The following DNAH2 variants were observed in gnomAD, a reference collection of about 807,000 sequenced individuals.
The protein encoded by DNAH2 is axonemal beta dynein heavy chain 2.
In DNAH2, 323 loss-of-function variants were observed where a neutral mutation model predicts 523.5. That is an observed-to-expected ratio of 0.62 (90% CI 0.56 to 0.68). The LOEUF (loss-of-function observed/expected upper bound fraction) is 0.68, where lower values mean the gene tolerates loss of function less well. DNAH2 is among the 30% of genes least tolerant of loss of function. The pLI is 0.00. For synonymous variants in DNAH2, 2,093 were observed against 2,177.4 expected (o/e 0.96, Z 1.08); for missense variants, 4,907 against 5,701.5 (o/e 0.86, Z 4.49).
At chr17:7,822,291 G>A (rs1012396654) in intron 73 of DNAH2, among the ~76,000 whole-genome samples, 3 of 152,096 alleles carry the variant, frequency 2.0e-5, no homozygotes, top group African/African-American at 7.2e-5. Flanking sequence ...TTTTAAAGTG[G>A]ATGCCATTGT....
intron 58 of DNAH2, among the ~76,000 whole-genome samples, chr17:7,803,879 G>GA (rs1453987321): frequency 3.0e-4 from 45 of 152,110 alleles, no homozygotes; most frequent in African/African-American, 9.6e-4. Context: ...TTCCCATAGG[G>GA]AAAAAAAACC....
chr17:7,819,450 T>C (rs1370684823), intron 72 of DNAH2, 42 bp downstream of exon 72: 2 of 1,609,760 alleles, frequency 1.2e-6, no homozygotes, highest in Non-Finnish European at 1.7e-6. Context: ...GGAGGCCGAG[T>C]GGCTGTGGTT....
At chr17:7,781,191 C>T (rs2076596952) in intron 39 of DNAH2, 24 bp downstream of exon 39, 2 of 1,613,736 alleles carry the variant, frequency 1.2e-6, no homozygotes, top group Non-Finnish European at 1.7e-6. Context: ...AATACTCTCC[C>T]TGACCGGGTG....
In DNAH2 at chr17:7,797,821, T is replaced by C. The variant is rs750315063; in HGVS notation, c.8222T>C (p.Ile2741Thr). 113 of 1,611,406 alleles carry C rather than the reference T, an allele frequency of 7.0e-5. No homozygotes were observed. Among genetic ancestry groups the C allele is most frequent in the Non-Finnish European group, 9.1e-5 (107 of 1,178,582 alleles). Reference protein sequence around the residue: ...PMQLVLFREAIEHITRIVRVI... With the variant: ...PMQLVLFREATEHITRIVRVI... ...CAGCTAGTGCTCTTCCGAGAGGCTA[T>C]TGAACACAGTGAGCACCTGCCACGC... Residue 2741 changes from isoleucine to threonine, a missense_variant, in exon 53 of 86, where the codon ATT becomes ACT. Coordinates refer to ENST00000572933, the MANE Select transcript of DNAH2 (RefSeq NM_020877.5).
In DNAH2 at chr17:7,792,965, G is replaced by A. The variant is rs201599541; in HGVS notation, c.7345-16G>A. The A allele has an allele frequency of 3.1e-6, 5 of 1,602,758 alleles. No individual in the cohort carries two copies. The highest frequency in any genetic ancestry group is 2.2e-5 in the East Asian group (1 of 44,578). ...TCTCAGGGGACCCACACATTCATTC[G>A]GTACCTTTTCACCAGACCACATCCA... On this transcript the variant is annotated splice_polypyrimidine_tract_variant and intron_variant, in intron 47 of 85. Coordinates refer to ENST00000572933, the MANE Select transcript of DNAH2 (RefSeq NM_020877.5).
intron 5 of DNAH2, 67 bp from the exon 6 acceptor site, chr17:7,734,116 G>A (rs537930566): frequency 7.1e-6 from 10 of 1,405,284 alleles, no homozygotes; most frequent in African/African-American, 4.3e-5. Flanking sequence ...ATCATCAACC[G>A]TGATTCCTAC....
intron 11 of DNAH2, among the ~76,000 whole-genome samples, chr17:7,741,313 C>A (rs1405215288): frequency 1.5e-5 from 1 of 65,844 alleles, no homozygotes. Flanking sequence ...TTCCCTCCCT[C>A]CCTCCCTCCC....
intron 3 of DNAH2, among the ~76,000 whole-genome samples, chr17:7,726,208 G>A (rs2074804246): frequency 6.6e-6 from 1 of 151,896 alleles, no homozygotes; most frequent in Non-Finnish European, 1.5e-5. Context: ...GTTTCACCAT[G>A]TTGGCCAGGC....
Position 7,833,512 on chromosome 17 carries a change from A to T in DNAH2, c.13263A>T (p.Leu4421=). The T allele has an allele frequency of 6.2e-7, 1 of 1,613,920 alleles. No individual in the cohort carries two copies. The highest frequency in any genetic ancestry group is 8.5e-7 in the Non-Finnish European group (1 of 1,180,018). Residue 4421 remains leucine, a synonymous_variant, in exon 86 of 86, where the codon CTA becomes CTT. Transcript: ENST00000572933. ...PDHWIKRGTA[L]LMSLDS The stretch of plus-strand genomic sequence containing the variant: ...ATTGGATCAAGAGGGGCACTGCTCT[A>T]CTCATGAGCCTGGACAGCTGAGACC...
Position 7,792,641 on chromosome 17 carries a change from C to T in DNAH2, c.7146-16C>T, listed in dbSNP as rs920221150. On this transcript the variant is annotated splice_polypyrimidine_tract_variant and intron_variant, in intron 46 of 85. Transcript: ENST00000572933. ...GGGCGGCTGGTCCTTGAGAGCCGGC[C>T]CCTGCTCTTCCCTAGCGCCCCCTTC... The T allele has an allele frequency of 6.2e-7, 1 of 1,608,900 alleles. No homozygotes were observed. Among genetic ancestry groups the T allele is most frequent in the Non-Finnish European group, 8.5e-7 (1 of 1,176,090 alleles).
intron 16 of DNAH2, 55 bp from the exon 17 acceptor site, chr17:7,759,736 T>A: frequency 6.2e-7 from 1 of 1,611,008 alleles, no homozygotes; most frequent in Non-Finnish European, 8.5e-7. Context: ...TGCTGAAGTG[T>A]GTGACCTTCC....
rs1049156525 is a variant in DNAH2 at position 7,786,756 on chromosome 17, A to C, written c.6466+69A>C. On this transcript the variant is annotated intron_variant, in intron 41 of 85. Transcript: ENST00000572933. This position sits in a 1 kb window ranked among gnomAD's most constrained non-coding sequence, Gnocchi z 7.5. Reference sequence around the variant, plus strand: ...TCCTAAGGGGGCAGGGAGTCTGGGGATAGGAAGTTCCAAGTTGGGAGAGAA... The same window carrying C: ...TCCTAAGGGGGCAGGGAGTCTGGGGCTAGGAAGTTCCAAGTTGGGAGAGAA... 1.3e-6 allele frequency: 2 copies of C among 1,598,850 alleles called. No homozygotes were observed. Among genetic ancestry groups the C allele is most frequent in the Admixed American group, 1.7e-5 (1 of 59,520 alleles).
At position 7,823,451 on chromosome 17, in the gene DNAH2, C is replaced by T; in HGVS notation, c.11152C>T (p.Arg3718Trp). ...FFLRGGVVLD[R>W]EGQMDNPCSS... ...CCCCTTCTCCCACCAGGTCTTGGAT[C>T]GGGAGGGCCAAATGGACAATCCATG... is the stretch of plus-strand genomic sequence containing the variant. Residue 3718 changes from arginine to tryptophan, a missense_variant, in exon 74 of 86, where the codon CGG becomes TGG. By Grantham distance (101) the Arg-to-Trp change is moderately radical (BLOSUM62 -3). This residue lies in a region of DNAH2 where 1,851 missense variants were observed against 2,139.4 expected (regional missense o/e 0.87). Transcript: ENST00000572933. 7.4e-6 allele frequency: 12 copies of T among 1,613,550 alleles called. No individual in the cohort carries two copies. The highest frequency in any genetic ancestry group is 2.2e-5 in the East Asian group (1 of 44,860).
chr17:7,766,773 G>A (rs921746839), intron 22 of DNAH2, among the ~76,000 whole-genome samples: 5 of 145,684 alleles, frequency 3.4e-5, no homozygotes, highest in African/African-American at 7.6e-5. Context: ...TCACACTCCC[G>A]AGTAGCTGGG....
At position 7,807,983 on chromosome 17, in the gene DNAH2, T is replaced by C. The variant is rs1178456934; in HGVS notation, c.9729+397T>C. ...GTGGACCAAGAACAACGTGAGGGTGTCTGTGCATATGTTGTGTGGGGACGG... is the reference window on the plus strand; with the variant it reads ...GTGGACCAAGAACAACGTGAGGGTGCCTGTGCATATGTTGTGTGGGGACGG... On this transcript the variant is annotated intron_variant, in intron 63 of 85. Transcript: ENST00000572933. This position sits in a 1 kb window ranked among gnomAD's most constrained non-coding sequence, Gnocchi z 5.6. Among the ~76,000 whole-genome samples, 1 of 152,120 alleles carries C rather than the reference T, an allele frequency of 6.6e-6. No individual in the cohort carries two copies. The highest frequency in any genetic ancestry group is 1.5e-5 in the Non-Finnish European group (1 of 68,026).
At chr17:7,759,202 C>G in intron 15 of DNAH2, 78 bp downstream of exon 15, 2 of 1,580,500 alleles carry the variant, frequency 1.3e-6, no homozygotes, top group Non-Finnish European at 1.7e-6. Flanking sequence ...CTCTTGCTCC[C>G]CGACCCTTTT....
chr17:7,770,485 G>A, intron 25 of DNAH2, 72 bp from the exon 26 acceptor site: 1 of 1,613,480 alleles, frequency 6.2e-7, no homozygotes, highest in Non-Finnish European at 8.5e-7. Flanking sequence ...ATCATCTGAT[G>A]GCGCCTCTCA....
chr17:7,816,922 G>A (rs924901809), intron 64 of DNAH2, among the ~76,000 whole-genome samples, 187 bp downstream of exon 64: 2 of 152,168 alleles, frequency 1.3e-5, no homozygotes, highest in African/African-American at 4.8e-5. Flanking sequence ...GGAAGGAAAG[G>A]CTTTTTGCAT....
Position 7,723,336 on chromosome 17 carries a change from G to A in DNAH2, c.167-292G>A, listed in dbSNP as rs193202661. ...CACTCAGGCTGGAGGGCAGTGGCAC[G>A]ATTATGGCTCACTGCAACCTCTGCC... On this transcript the variant is annotated intron_variant, in intron 2 of 85. Coordinates refer to ENST00000572933, the MANE Select transcript of DNAH2 (RefSeq NM_020877.5). Among the ~76,000 whole-genome samples, 467 of 136,818 alleles carry A rather than the reference G, an allele frequency of 3.4e-3. 1 individual carries two copies. The highest frequency in any genetic ancestry group is 5.1e-3 in the Non-Finnish European group (336 of 65,808). 89.8% of individuals were successfully genotyped at this position (136,818 alleles called of 152,430 possible).
Sources: gnomAD v4.1 joint callset for allele counts (sites outside exome capture counted in the v4.1 genomes callset) on GRCh38, gnomAD v4.1.1 for gene constraint, gnomAD v4.1.1 regional missense constraint, Gnocchi (gnomAD v3.1) non-coding constraint, MANE v1.5 for transcripts, NCBI Gene and HGNC (gene_info 2026-07-23, HGNC 2026-07-21) for gene names.